Variants in CCDC171 observed in about 807,000 individuals in gnomAD.
CCDC171 encodes coiled-coil domain containing 171.
CCDC171 carries 177 observed loss-of-function variants against 168.2 expected under a neutral mutation model. The observed-to-expected ratio is 1.05, with a 90% CI of 0.93 to 1.19. The LOEUF (loss-of-function observed/expected upper bound fraction) is 1.19, where lower values mean the gene tolerates loss of function less well. Ranked by LOEUF, CCDC171 falls within the 50% of genes most tolerant of loss-of-function variation. The pLI is 0.00. For synonymous variants in CCDC171, 687 were observed against 540.8 expected (o/e 1.27, Z -3.75); for missense variants, 1,991 against 1,539.0 (o/e 1.29, Z -4.91).
chr9:15,739,148 T>C (rs1331295901), intron 16 of CCDC171, among the ~76,000 whole-genome samples: 3 of 152,074 alleles, frequency 2.0e-5, no homozygotes, highest in Non-Finnish European at 4.4e-5. Flanking sequence ...TCAATATCAG[T>C]GTGAAGGAAA....
intron 1 of CCDC171, among the ~76,000 whole-genome samples, chr9:15,561,662 C>T (rs903586627): frequency 2.6e-5 from 4 of 152,102 alleles, no homozygotes; most frequent in African/African-American, 9.7e-5. Flanking sequence ...TGCACCTTCT[C>T]TGCCATGCTC....
At chr9:15,751,026 C>T (rs7025420) in intron 18 of CCDC171, among the ~76,000 whole-genome samples, 69,210 of 151,964 alleles carry the variant, frequency 0.46, 16,066 homozygotes, top group Non-Finnish European at 0.49. Context: ...TTAGAAAACC[C>T]CATCGTCTCA....
rs549188927 is a variant in CCDC171 at position 15,914,297 on chromosome 9, A to T, written c.3601-5973A>T. Among the ~76,000 whole-genome samples the T allele has an allele frequency of 1.8e-3, 273 of 152,238 alleles. 2 individuals are homozygous for T. The highest frequency in any genetic ancestry group is 5.7e-3 in the African/African-American group (239 of 41,566). On this transcript the variant is annotated intron_variant, in intron 24 of 25. Transcript: ENST00000380701. ...TCCCAGGGAGATGGGAGTTTTATCT[A>T]TAAGCCCCTCACTGGGGCTGCTGCC...
intron 24 of CCDC171, among the ~76,000 whole-genome samples, chr9:15,883,912 C>T (rs1232529457): frequency 6.6e-6 from 1 of 152,102 alleles, no homozygotes; most frequent in East Asian, 1.9e-4. Flanking sequence ...ATCAGTATTA[C>T]AGAAGGTTGA....
chr9:15,649,762 A>G (rs1386647396), intron 7 of CCDC171, among the ~76,000 whole-genome samples: 1 of 152,212 alleles, frequency 6.6e-6, no homozygotes, highest in African/African-American at 2.4e-5. Context: ...GGTGCTAGAG[A>G]GGATGTGGAG....
intron 6 of CCDC171, among the ~76,000 whole-genome samples, chr9:15,621,307 A>G (rs1394870567): frequency 1.3e-5 from 2 of 152,204 alleles, no homozygotes; most frequent in Non-Finnish European, 2.9e-5. Flanking sequence ...ATGTTTTTAT[A>G]TATAATGCTA....
intron 18 of CCDC171, among the ~76,000 whole-genome samples, chr9:15,752,005 A>G (rs957781143): frequency 3.3e-5 from 5 of 152,236 alleles, no homozygotes; most frequent in Non-Finnish European, 7.3e-5. Flanking sequence ...TTTGCAATTT[A>G]TCCATCTGAC....
At chr9:15,689,028 C>G (rs1314406938) in intron 10 of CCDC171, among the ~76,000 whole-genome samples, 1 of 152,098 alleles carries the variant, frequency 6.6e-6, no homozygotes, top group Non-Finnish European at 1.5e-5. Context: ...GGATACAATA[C>G]AATATCCATT....
intron 16 of CCDC171, among the ~76,000 whole-genome samples, chr9:15,736,056 G>A (rs1221527489): frequency 4.0e-5 from 6 of 151,896 alleles, no homozygotes; most frequent in Non-Finnish European, 7.4e-5. Context: ...TTTTACAAGC[G>A]AGGAATCTGA....
chr9:16,042,339 G>C (rs576522574), upstream of CCDC171, among the ~76,000 whole-genome samples: 1 of 152,328 alleles, frequency 6.6e-6, no homozygotes, highest in East Asian at 1.9e-4. Context: ...GGATCATGAG[G>C]ATTCTGGCCT....
In CCDC171 at chr9:15,631,430, G is replaced by T. The variant is rs868575977; in HGVS notation, c.822+8017G>T. Among the ~76,000 whole-genome samples the T allele has an allele frequency of 5.3e-5, 8 of 152,286 alleles. 1 individual carries two copies. In the Middle Eastern group the frequency reaches 0.014, roughly 259 times the overall value. On this transcript the variant is annotated intron_variant, in intron 7 of 25. Transcript: ENST00000380701. ...TAAACTAGAAAATCTTGAAGAAATT[G>T]ATAGATTCTTGGACACATACACCCA...
chr9:15,893,634 C>T (rs1820504179), intron 24 of CCDC171, among the ~76,000 whole-genome samples: 1 of 152,126 alleles, frequency 6.6e-6, no homozygotes, highest in Admixed American at 6.6e-5. Context: ...TGAACAAACA[C>T]TTCTCAAAAG....
At chr9:16,082,434 G>A in the CCDC171 span, among the ~76,000 whole-genome samples, 49 of 152,266 alleles carry the variant, frequency 3.2e-4, no homozygotes, top group African/African-American at 8.4e-4. Flanking sequence ...ATTTTAATGC[G>A]TAAGGACTGG....
chr9:16,086,156 C>T, the CCDC171 span, among the ~76,000 whole-genome samples: 1 of 152,050 alleles, frequency 6.6e-6, no homozygotes, highest in Non-Finnish European at 1.5e-5. Context: ...TTCAGGGATT[C>T]GACTTCTTCC....
chr9:15,916,441 T>C (rs971823069), intron 24 of CCDC171, among the ~76,000 whole-genome samples: 1 of 152,038 alleles, frequency 6.6e-6, no homozygotes, highest in Non-Finnish European at 1.5e-5. Context: ...AGTATGTATA[T>C]AATTATATGA....
At chr9:15,851,036 A>T (rs1230665325) in intron 23 of CCDC171, among the ~76,000 whole-genome samples, 1 of 152,012 alleles carries the variant, frequency 6.6e-6, no homozygotes, top group Non-Finnish European at 1.5e-5. Context: ...TTTTAATACT[A>T]ACTTCTGACA....
intron 6 of CCDC171, among the ~76,000 whole-genome samples, chr9:15,618,487 C>T (rs1372895104): frequency 2.0e-5 from 3 of 152,172 alleles, no homozygotes; most frequent in South Asian, 2.1e-4. Context: ...AGCTAGACTT[C>T]TTGGGTTCCT....
intron 7 of CCDC171, among the ~76,000 whole-genome samples, chr9:15,629,663 G>C (rs2045505749): frequency 6.6e-6 from 1 of 152,132 alleles, no homozygotes; most frequent in African/African-American, 2.4e-5. Flanking sequence ...TTCAGATTCA[G>C]GAAATACAGA....
intron 3 of CCDC171, among the ~76,000 whole-genome samples, chr9:15,990,284 T>C (rs1011030349): frequency 6.6e-6 from 1 of 151,188 alleles, no homozygotes; most frequent in Non-Finnish European, 1.5e-5. Context: ...TCAACATTCT[T>C]AAAAGAATTT....
Sources: gnomAD v4.1 joint callset for allele counts (sites outside exome capture counted in the v4.1 genomes callset) on GRCh38, gnomAD v4.1.1 for gene constraint, MANE v1.5 for transcripts, NCBI Gene and HGNC (gene_info 2026-07-23, HGNC 2026-07-21) for gene names.